The following ATP9A variants were observed in gnomAD, a reference collection of about 807,000 sequenced individuals.
ATP9A encodes ATPase phospholipid transporting 9A, also known as probable phospholipid-transporting ATPase IIA.
Under a neutral mutation model 144.1 loss-of-function variants are expected in ATP9A, and 52 were observed. The ratio of observed to expected loss-of-function variants is 0.36; its 90% CI spans 0.29 to 0.45. ATP9A has a LOEUF of 0.45. Among genes scored for constraint, ATP9A ranks in the 20% least tolerant of loss-of-function variants. ATP9A has a pLI of 1.00. For missense variants in ATP9A, 947 were observed against 1,392.7 expected, an observed-to-expected ratio of 0.68 and a Z score of 5.09; for synonymous variants, 582 against 557.4, an observed-to-expected ratio of 1.04 and a Z score of -0.62.
chr20:51,752,887 G>A (rs1422788450), intron 1 of ATP9A, among the ~76,000 whole-genome samples: 1 of 152,162 alleles, frequency 6.6e-6, no homozygotes, highest in Non-Finnish European at 1.5e-5. Flanking sequence ...TGGATCACCT[G>A]AGGCTGGGAG....
intron 3 of ATP9A, among the ~76,000 whole-genome samples, chr20:51,716,101 G>A (rs551823062): frequency 6.6e-6 from 1 of 152,212 alleles, no homozygotes; most frequent in South Asian, 2.1e-4. Context: ...TCTTGATTGA[G>A]GTGGTATTTA....
rs1230750873 is a variant in ATP9A, at chr20:51,613,727, C to T, written c.2521G>A (p.Ala841Thr). The T allele has an allele frequency of 5.6e-6, 9 of 1,614,016 alleles. No homozygotes were observed. Among genetic ancestry groups the T allele is most frequent in the Middle Eastern group, 1.6e-4 (1 of 6,084 alleles). ...CTGTGAATCACGAACTGGCTGAGGG[C>T]GGCTGACCGCTTGTAGCTGTTCCGG... is the stretch of plus-strand genomic sequence containing the variant. The part of the protein sequence containing the change: ...HGRNSYKRSA[A>T]LSQFVIHRSL... The change falls in exon 23 of 28, where the codon GCC (alanine) becomes ACC (threonine). Residue 841 changes from alanine (A) to threonine (T), a missense_variant. By Grantham distance (58) the Ala-to-Thr change is moderately conservative (BLOSUM62 0). This residue lies in a region of ATP9A where 177 missense variants were observed against 344.9 expected (regional missense o/e 0.51). Transcript: ENST00000338821.
At chr20:51,722,199 G>A (rs1405876873) in intron 3 of ATP9A, among the ~76,000 whole-genome samples, 3 of 152,088 alleles carry the variant, frequency 2.0e-5, no homozygotes, top group African/African-American at 7.2e-5. Context: ...ACTCAAGATG[G>A]ATTAAGGACT....
intron 3 of ATP9A, among the ~76,000 whole-genome samples, chr20:51,720,825 C>T (rs1424757717): frequency 6.6e-6 from 1 of 152,146 alleles, no homozygotes. Context: ...CACAGCGAGA[C>T]TCTGTCTCAC....
Position 51,639,398 on chromosome 20 carries a change from A to G in ATP9A, c.1613T>C (p.Ile538Thr). 6.2e-7 allele frequency: 1 copy of G among 1,614,112 alleles called. No individual in the cohort carries two copies. The highest frequency in any genetic ancestry group is 8.5e-7 in the Non-Finnish European group (1 of 1,179,988). ...TPGDQILNFT[I>T]LQIFPFTYES... ...ATAGGTGAAAGGGAAGATCTGTAGG[A>G]TGGTGAAGTTCAGGATCTGGTCGCC... The change falls in exon 15 of 28, where the codon ATC becomes ACC. Residue 538 changes from isoleucine (I) to threonine (T), a missense_variant. Physicochemically the swap from Ile to Thr is moderately conservative, Grantham distance 89. This residue lies in a region of ATP9A where 770 missense variants were observed against 1,047.9 expected (regional missense o/e 0.73). Coordinates refer to ENST00000338821, the MANE Select transcript of ATP9A (RefSeq NM_006045.3).
chr20:51,619,962 G>A (rs1038008759), intron 19 of ATP9A, among the ~76,000 whole-genome samples: 12 of 151,572 alleles, frequency 7.9e-5, no homozygotes, highest in African/African-American at 2.9e-4. Context: ...TCTCACAACG[G>A]CTCTATGAGG....
At chr20:51,712,924 G>C (rs1315834749) in intron 4 of ATP9A, 42 bp downstream of exon 4, 2 of 1,536,168 alleles carry the variant, frequency 1.3e-6, no homozygotes, top group Admixed American at 3.7e-5. Context: ...AGCGGCCCGT[G>C]ATTGAGCTGC....
chr20:51,606,402 AAAAG>A (rs2077163820), intron 26 of ATP9A, among the ~76,000 whole-genome samples: 1 of 152,184 alleles, frequency 6.6e-6, no homozygotes, highest in African/African-American at 2.4e-5. Flanking sequence ...GAAATACTAA[AAAAG>A]AGTGAGGATT....
intron 1 of ATP9A, among the ~76,000 whole-genome samples, chr20:51,764,874 C>A (rs1387590213): frequency 3.9e-5 from 6 of 152,090 alleles, no homozygotes; most frequent in Non-Finnish European, 7.3e-5. Flanking sequence ...GGCACCACCA[C>A]CACACCCGGC....
At chr20:51,707,754 C>T (rs1568829675) in intron 4 of ATP9A, among the ~76,000 whole-genome samples, 1 of 152,280 alleles carries the variant, frequency 6.6e-6, no homozygotes, top group East Asian at 1.9e-4. Context: ...CTGAACGCCT[C>T]ACTGGATTAT....
chr20:51,689,374 A>G (rs888275281), intron 8 of ATP9A, among the ~76,000 whole-genome samples: 2 of 152,148 alleles, frequency 1.3e-5, no homozygotes, highest in Non-Finnish European at 2.9e-5. Context: ...TGATTTAAGA[A>G]GCGCAGGCCT....
rs2122720573 is a variant in ATP9A at position 51,618,823 on chromosome 20, G to T, written c.2206-17C>A. Reference sequence around the variant, plus strand: ...GAGGCAAACCTGCAGGGTGGAGGGAGAGGTGGTGCGTTGGTGGAGGGAGAG... The same window carrying T: ...GAGGCAAACCTGCAGGGTGGAGGGATAGGTGGTGCGTTGGTGGAGGGAGAG... On this transcript the variant is annotated splice_polypyrimidine_tract_variant and intron_variant, in intron 20 of 27. Coordinates refer to ENST00000338821, the MANE Select transcript of ATP9A (RefSeq NM_006045.3). 2 of 1,580,400 alleles carry T rather than the reference G, an allele frequency of 1.3e-6. No homozygotes were observed. The highest frequency in any genetic ancestry group is 4.5e-5 in the East Asian group (2 of 44,316).
At chr20:51,652,949 A>G (rs1188573437) in intron 14 of ATP9A, among the ~76,000 whole-genome samples, 1 of 152,106 alleles carries the variant, frequency 6.6e-6, no homozygotes, top group African/African-American at 2.4e-5. Context: ...TCTACTAAAA[A>G]TACAAAAAAA....
chr20:51,657,341 AAAAAAG>A (rs896390739), intron 13 of ATP9A, among the ~76,000 whole-genome samples, 191 bp from the exon 14 acceptor site: 3 of 152,188 alleles, frequency 2.0e-5, no homozygotes, highest in African/African-American at 7.2e-5. Flanking sequence ...CTCGGCAAAA[AAAAAAG>A]AAAAAGAGAC....
chr20:51,752,171 A>T (rs2077835298), intron 1 of ATP9A, among the ~76,000 whole-genome samples: 1 of 152,214 alleles, frequency 6.6e-6, no homozygotes, highest in Non-Finnish European at 1.5e-5. Context: ...CTGGGAGACA[A>T]GAGACAGCAG....
At chr20:51,607,994 A>G (rs2122708423) in intron 25 of ATP9A, among the ~76,000 whole-genome samples, 1 of 151,304 alleles carries the variant, frequency 6.6e-6, no homozygotes, top group East Asian at 2.0e-4. Context: ...TAGTGAGCCG[A>G]GATCGAGCCA....
At chr20:51,730,012 C>A (rs1188276456) in intron 1 of ATP9A, 34 bp from the exon 2 acceptor site, 1 of 1,484,254 alleles carries the variant, frequency 6.7e-7, no homozygotes. Flanking sequence ...CAAGGCCACG[C>A]CCACGCATCG....
At position 51,668,092 on chromosome 20, in the gene ATP9A, G is replaced by T. The variant is rs1239634380; in HGVS notation, c.1293+1905C>A. Among the ~76,000 whole-genome samples, 7 of 42,596 alleles carry T rather than the reference G, an allele frequency of 1.6e-4. 2 individuals carry two copies. Among genetic ancestry groups the T allele is most frequent in the Admixed American group, 1.1e-3 (4 of 3,724 alleles). The allele number at this position is 42,596 out of a possible 152,430, so 27.9% of individuals were successfully genotyped here. A position where few individuals can be genotyped will look rare whatever the true frequency, so the allele number is the denominator to read the frequency against. ...ACAAAAGAAGGAAGGGAGGTGGGGG[G>T]GGGGGGGGGCGGAAGGGCTGGGAGT... On this transcript the variant is annotated intron_variant, in intron 13 of 27. Coordinates refer to ENST00000338821, the MANE Select transcript of ATP9A (RefSeq NM_006045.3).
At chr20:51,733,617 C>T (rs1004899987) in intron 1 of ATP9A, among the ~76,000 whole-genome samples, 1 of 152,148 alleles carries the variant, frequency 6.6e-6, no homozygotes, top group African/African-American at 2.4e-5. Flanking sequence ...TCGTGATCCG[C>T]CTGCCTTGGC....
Sources: allele counts gnomAD v4.1 joint callset (sites outside exome capture counted in the v4.1 genomes callset), GRCh38; gene constraint gnomAD v4.1.1; regional missense constraint gnomAD v4.1.1; transcripts MANE v1.5; gene names NCBI Gene and HGNC (gene_info 2026-07-23, HGNC 2026-07-21).